Variants in RBFOX1 observed in about 807,000 individuals in gnomAD.
RBFOX1 encodes the protein RNA binding fox-1 homolog 1, also known as RNA binding protein fox-1 homolog 1.
A neutral mutation model predicts 57.7 loss-of-function variants in RBFOX1; 8 were observed. The observed-to-expected ratio is 0.14, with a 90% CI of 0.08 to 0.25. The LOEUF (loss-of-function observed/expected upper bound fraction) is 0.25. RBFOX1 is among the 10% of genes least tolerant of loss of function. RBFOX1 has a pLI of 1.00. For synonymous variants in RBFOX1, 326 were observed against 222.4 expected, an observed-to-expected ratio of 1.47 and a Z score of -4.15; for missense variants, 611 against 548.5, an observed-to-expected ratio of 1.11 and a Z score of -1.14.
chr16:5,312,248 A>G (rs905855651), intron 1 of RBFOX1, among the ~76,000 whole-genome samples: 2 of 152,230 alleles, frequency 1.3e-5, no homozygotes, highest in Non-Finnish European at 2.9e-5. Flanking sequence ...GAGAACATGT[A>G]GGGAGGTATC....
chr16:6,652,063 A>C (rs1298212258), intron 2 of RBFOX1, among the ~76,000 whole-genome samples: 1 of 152,102 alleles, frequency 6.6e-6, no homozygotes, highest in Non-Finnish European at 1.5e-5. Context: ...TTCCAATGTG[A>C]TTGTGTTTTG....
At chr16:6,713,538 C>A (rs1001527646) in intron 3 of RBFOX1, among the ~76,000 whole-genome samples, 1 of 151,978 alleles carries the variant, frequency 6.6e-6, no homozygotes, top group Non-Finnish European at 1.5e-5. Context: ...AAGTAAAACC[C>A]CCTCCCCAGT....
chr16:6,299,598 C>G (rs2078561016), intron 1 of RBFOX1, among the ~76,000 whole-genome samples: 2 of 152,146 alleles, frequency 1.3e-5, no homozygotes, highest in Admixed American at 1.3e-4. Context: ...CCAGGTCACT[C>G]TCTACCATTT....
At chr16:5,967,750 T>G (rs1485321320) in intron 4 of RBFOX1, among the ~76,000 whole-genome samples, 1 of 152,172 alleles carries the variant, frequency 6.6e-6, no homozygotes. Context: ...ATTCCCAAAT[T>G]ATGTGATTGC....
chr16:6,999,108 A>G (rs1465871163), intron 3 of RBFOX1, among the ~76,000 whole-genome samples: 2 of 149,614 alleles, frequency 1.3e-5, no homozygotes, highest in African/African-American at 2.4e-5. Flanking sequence ...ACTTCAGGTG[A>G]TCCGCCCGCC....
At chr16:7,373,862 G>A (rs931880265) in intron 4 of RBFOX1, among the ~76,000 whole-genome samples, 7 of 152,194 alleles carry the variant, frequency 4.6e-5, no homozygotes, top group South Asian at 2.1e-4. Context: ...TCAGCTTCTC[G>A]TGAGAGAGAG....
At chr16:5,437,542 AG>A (rs1338124055) in intron 1 of RBFOX1, among the ~76,000 whole-genome samples, 1 of 150,424 alleles carries the variant, frequency 6.6e-6, no homozygotes, top group East Asian at 1.9e-4. Flanking sequence ...TGAATCTCTA[AG>A]AAGCTTAATG....
At chr16:7,395,534 A>G (rs1015902840) in intron 4 of RBFOX1, among the ~76,000 whole-genome samples, 3 of 152,240 alleles carry the variant, frequency 2.0e-5, no homozygotes, top group African/African-American at 7.2e-5. Context: ...TTGAGTTACA[A>G]AGAAGCAGAG....
At chr16:7,477,455 A>G (rs1411465199) in intron 4 of RBFOX1, among the ~76,000 whole-genome samples, 1 of 152,052 alleles carries the variant, frequency 6.6e-6, no homozygotes, top group East Asian at 1.9e-4. Context: ...ATTAATTCCG[A>G]TATTTCAACA....
chr16:7,417,898 G>A (rs1418789733), intron 4 of RBFOX1, among the ~76,000 whole-genome samples: 1 of 152,018 alleles, frequency 6.6e-6, no homozygotes, highest in African/African-American at 2.4e-5. Context: ...CCCTTTTCCT[G>A]CAGATGTATT....
chr16:5,699,836 T>A (rs2050973396), intron 3 of RBFOX1, among the ~76,000 whole-genome samples: 1 of 152,074 alleles, frequency 6.6e-6, no homozygotes, highest in African/African-American at 2.4e-5. Context: ...GTTTTATTAT[T>A]TATTTATTTA....
rs1268676012 is a variant in RBFOX1, at chr16:7,184,688, G to A, written c.27+132590G>A. Among the ~76,000 whole-genome samples the A allele has an allele frequency of 3.9e-5, 6 of 152,274 alleles. No individual in the cohort carries two copies. In the South Asian group the frequency reaches 1.2e-3, roughly 32 times the overall value. On this transcript the variant is annotated intron_variant, in intron 4 of 15. Transcript: ENST00000550418. ...TAAACAGTTACAAACCCCCAAACCT[G>A]ATTATGAGCTCTTGTGAAACTTCTC...
At chr16:6,996,968 G>A (rs1404466200) in intron 3 of RBFOX1, among the ~76,000 whole-genome samples, 2 of 152,056 alleles carry the variant, frequency 1.3e-5, no homozygotes, top group African/African-American at 4.8e-5. Context: ...AAAGTTTATA[G>A]GCAGCATTGA....
At chr16:7,347,866 C>G (rs528705634) in intron 4 of RBFOX1, among the ~76,000 whole-genome samples, 1 of 152,266 alleles carries the variant, frequency 6.6e-6, no homozygotes, top group South Asian at 2.1e-4. Context: ...GTTAGCCATT[C>G]CGAGACAGGC....
chr16:5,250,982 G>A (rs2062435525), intron 1 of RBFOX1, among the ~76,000 whole-genome samples: 1 of 152,168 alleles, frequency 6.6e-6, no homozygotes, highest in African/African-American at 2.4e-5. Flanking sequence ...GGGCTCACAT[G>A]GTACTGTCCT....
At chr16:6,152,430 T>A (rs1024718510) in intron 1 of RBFOX1, among the ~76,000 whole-genome samples, 1 of 152,202 alleles carries the variant, frequency 6.6e-6, no homozygotes, top group African/African-American at 2.4e-5. Flanking sequence ...CCTGTTTACT[T>A]CAAGGTAGAA....
At chr16:5,546,413 A>C (rs35698104) in intron 2 of RBFOX1, among the ~76,000 whole-genome samples, 59,305 of 152,062 alleles carry the variant, frequency 0.39, 11,893 homozygotes, top group Non-Finnish European at 0.42. Flanking sequence ...GATCTGATTT[A>C]AAGATTTATT....
intron 4 of RBFOX1, among the ~76,000 whole-genome samples, chr16:7,351,604 T>C (rs1223440413): frequency 6.6e-6 from 1 of 152,236 alleles, no homozygotes; most frequent in Non-Finnish European, 1.5e-5. Context: ...ACTCTGCTCT[T>C]GAGCTCACAT....
chr16:7,541,301 T>C (rs961002092), intron 5 of RBFOX1, among the ~76,000 whole-genome samples: 1 of 152,186 alleles, frequency 6.6e-6, no homozygotes, highest in Non-Finnish European at 1.5e-5. Context: ...GTGTCTACCC[T>C]TTGTTGGCTG....
Sources: gnomAD v4.1 joint callset for allele counts (sites outside exome capture counted in the v4.1 genomes callset) on GRCh38, gnomAD v4.1.1 for gene constraint, MANE v1.5 for transcripts, NCBI Gene and HGNC (gene_info 2026-07-23, HGNC 2026-07-21) for gene names.